Variants in SLC44A5 observed in about 807,000 individuals in gnomAD.
The protein encoded by SLC44A5 is solute carrier family 44 member 5, also known as choline transporter-like protein 5.
In SLC44A5, 57 loss-of-function variants were observed where a neutral mutation model predicts 101.8. The observed-to-expected ratio is 0.56, with a 90% CI of 0.45 to 0.70. The LOEUF (loss-of-function observed/expected upper bound fraction) is 0.70. Among genes scored for constraint, SLC44A5 ranks in the 30% least tolerant of loss-of-function variants. The pLI is 0.00. For missense variants in SLC44A5, 737 were observed against 853.1 expected (o/e 0.86, Z 1.70); for synonymous variants, 281 against 290.9 (o/e 0.97, Z 0.35).
the SLC44A5 span, among the ~76,000 whole-genome samples, chr1:75,656,544 AT>A: frequency 6.6e-6 from 1 of 152,164 alleles, no homozygotes; most frequent in Non-Finnish European, 1.5e-5. Flanking sequence ...GAGTGTTATA[AT>A]TTTTTCTCTG....
the SLC44A5 span, among the ~76,000 whole-genome samples, chr1:75,702,346 A>G: frequency 6.6e-6 from 1 of 152,236 alleles, no homozygotes; most frequent in African/African-American, 2.4e-5. Flanking sequence ...GCCCTCAGAA[A>G]TAATGCCACA....
chr1:75,274,130 T>A (rs550812798), intron 6 of SLC44A5, among the ~76,000 whole-genome samples: 11 of 152,116 alleles, frequency 7.2e-5, no homozygotes, highest in Admixed American at 7.2e-4. Context: ...TGTCCTCAGC[T>A]ATGTTTTTTG....
chr1:75,250,468 T>G (rs753338571), intron 7 of SLC44A5, among the ~76,000 whole-genome samples: 4 of 152,206 alleles, frequency 2.6e-5, no homozygotes, highest in Non-Finnish European at 4.4e-5. Flanking sequence ...AACATACATG[T>G]GCATGCATCA....
At position 75,217,850 on chromosome 1, in the gene SLC44A5, A is replaced by C. The variant is rs1251028671; in HGVS notation, c.1624+16T>G. 6.7e-7 allele frequency: 1 copy of C among 1,489,934 alleles called. No individual in the cohort carries two copies. Among genetic ancestry groups the C allele is most frequent in the South Asian group, 1.1e-5 (1 of 88,424 alleles). The allele number at this position is 1,489,934 out of a possible 1,614,324, so 92.3% of individuals were successfully genotyped here. On this transcript the variant is annotated intron_variant, in intron 18 of 23. Transcript: ENST00000370859. ...ATTTATTATCTTCACAAAAGTCAGG[A>C]CATCTGAAATCTTACGTTTAAGACG...
chr1:75,467,238 TA>T (rs1033585851), intron 2 of SLC44A5, among the ~76,000 whole-genome samples: 1 of 152,028 alleles, frequency 6.6e-6, no homozygotes, highest in African/African-American at 2.4e-5. Flanking sequence ...TCAATGTTGT[TA>T]AAATGTCCAT....
At chr1:75,709,221 A>T in the SLC44A5 span, among the ~76,000 whole-genome samples, 2 of 152,252 alleles carry the variant, frequency 1.3e-5, no homozygotes, top group Non-Finnish European at 2.9e-5. Flanking sequence ...AATGTATGCA[A>T]GTCCCTCAGT....
At chr1:75,582,424 C>T (rs1368993746) in intron 1 of SLC44A5, 19 of 694,468 alleles carry the variant, frequency 2.7e-5, no homozygotes. Context: ...ATGATCATGC[C>T]CACATTGCCA....
chr1:75,242,242 G>A (rs1648699132), intron 8 of SLC44A5, among the ~76,000 whole-genome samples, 181 bp from the exon 9 acceptor site: 3 of 151,880 alleles, frequency 2.0e-5, no homozygotes, highest in African/African-American at 7.3e-5. Context: ...ATTCTTAACT[G>A]TCCTAACTGT....
At chr1:75,643,015 C>A in the SLC44A5 span, among the ~76,000 whole-genome samples, 1 of 152,044 alleles carries the variant, frequency 6.6e-6, no homozygotes, top group African/African-American at 2.4e-5. Flanking sequence ...AAAATGTTGG[C>A]ATATTATTTT....
intron 1 of SLC44A5, among the ~76,000 whole-genome samples, chr1:75,556,638 G>A (rs1570605707): frequency 6.6e-6 from 1 of 152,098 alleles, no homozygotes; most frequent in African/African-American, 2.4e-5. Flanking sequence ...GTTCACCTGT[G>A]AGTAACAGAA....
At chr1:75,419,659 C>T (rs1027562706) in intron 2 of SLC44A5, among the ~76,000 whole-genome samples, 8 of 152,108 alleles carry the variant, frequency 5.3e-5, no homozygotes, top group Admixed American at 2.0e-4. Context: ...GTTGAATCTA[C>T]ACAAAGGAAT....
intron 4 of SLC44A5, among the ~76,000 whole-genome samples, chr1:75,336,221 T>C (rs1657432201): frequency 1.3e-5 from 2 of 152,144 alleles, no homozygotes; most frequent in African/African-American, 4.8e-5. Context: ...AGTGGCATGA[T>C]CTCAACTCAC....
intron 2 of SLC44A5, among the ~76,000 whole-genome samples, chr1:75,400,891 G>A (rs1177283364): frequency 1.3e-5 from 2 of 152,204 alleles, no homozygotes; most frequent in Non-Finnish European, 2.9e-5. Context: ...TGCCACTGCT[G>A]TGCCCTGCTT....
At chr1:75,480,753 AG>A (rs1667789805) in intron 2 of SLC44A5, among the ~76,000 whole-genome samples, 1 of 152,158 alleles carries the variant, frequency 6.6e-6, no homozygotes, top group Non-Finnish European at 1.5e-5. Flanking sequence ...GAAATAAAAG[AG>A]GATACAAACA....
At chr1:75,399,448 G>A (rs1282642579) in intron 2 of SLC44A5, among the ~76,000 whole-genome samples, 1 of 152,152 alleles carries the variant, frequency 6.6e-6, no homozygotes, top group Non-Finnish European at 1.5e-5. Flanking sequence ...GAGGGCAATA[G>A]GTCAGTGTCA....
intron 2 of SLC44A5, among the ~76,000 whole-genome samples, chr1:75,523,583 A>G (rs1017042996): frequency 1.3e-5 from 2 of 152,106 alleles, no homozygotes; most frequent in Admixed American, 1.3e-4. Flanking sequence ...CGGCCTCCCA[A>G]AGTGTTGGGA....
chr1:75,399,691 A>C (rs1484837785), intron 2 of SLC44A5, among the ~76,000 whole-genome samples: 1 of 152,246 alleles, frequency 6.6e-6, no homozygotes, highest in African/African-American at 2.4e-5. Flanking sequence ...ATGTAAAAGC[A>C]AAATCTCATT....
chr1:75,365,991 T>C (rs1401943768), intron 3 of SLC44A5, among the ~76,000 whole-genome samples: 1 of 152,234 alleles, frequency 6.6e-6, no homozygotes, highest in Non-Finnish European at 1.5e-5. Flanking sequence ...ATAAAAGATA[T>C]AACTATTCTT....
the SLC44A5 span, among the ~76,000 whole-genome samples, chr1:75,674,428 G>A: frequency 6.6e-6 from 1 of 151,900 alleles, no homozygotes; most frequent in African/African-American, 2.4e-5. Context: ...CGCCCAGGCT[G>A]GAGTGCAATG....
Sources: gnomAD v4.1 joint callset for allele counts (sites outside exome capture counted in the v4.1 genomes callset) on GRCh38, gnomAD v4.1.1 for gene constraint, MANE v1.5 for transcripts, NCBI Gene and HGNC (gene_info 2026-07-23, HGNC 2026-07-21) for gene names.